The following CRY1 variants were observed in gnomAD, a reference collection of about 807,000 sequenced individuals.
The protein encoded by CRY1 is cryptochrome circadian regulator 1.
CRY1 carries 45 observed loss-of-function variants against 76.0 expected under a neutral mutation model. The ratio of observed to expected loss-of-function variants is 0.59; its 90% confidence interval spans 0.47 to 0.76. The LOEUF (loss-of-function observed/expected upper bound fraction) is 0.76. Among genes scored for constraint, CRY1 ranks in the 30% least tolerant of loss-of-function variants. The pLI is 0.00. For missense variants in CRY1, 587 were observed against 716.4 expected (o/e 0.82, Z 2.06); for synonymous variants, 248 against 244.0 (o/e 1.02, Z -0.15).
At chr12:107,075,921 T>C (rs558386439) in intron 1 of CRY1, among the ~76,000 whole-genome samples, 2 of 152,194 alleles carry the variant, frequency 1.3e-5, no homozygotes, top group Admixed American at 1.3e-4. Context: ...GAAGAAAGGG[T>C]AGCTCCTGGG....
intron 1 of CRY1, among the ~76,000 whole-genome samples, chr12:107,052,393 T>C (rs1952933921): frequency 6.6e-6 from 1 of 152,176 alleles, no homozygotes; most frequent in Admixed American, 6.5e-5. Context: ...AGAACTTATG[T>C]ACTAAAGACT....
intron 1 of CRY1, among the ~76,000 whole-genome samples, chr12:107,062,025 C>CAAAAA (rs35683352): frequency 3.2e-5 from 3 of 93,550 alleles, no homozygotes; most frequent in East Asian, 3.0e-4. Flanking sequence ...GACCCTGTCT[C>CAAAAA]AAAAAAAAAA....
chr12:107,012,534 T>A (rs1471677841), intron 2 of CRY1, among the ~76,000 whole-genome samples: 2 of 152,218 alleles, frequency 1.3e-5, no homozygotes, highest in Non-Finnish European at 2.9e-5. Flanking sequence ...GGAGATTTAT[T>A]AGGGAGATTA....
chr12:107,085,574 AAC>A (rs1953388990), intron 1 of CRY1, among the ~76,000 whole-genome samples: 1 of 152,146 alleles, frequency 6.6e-6, no homozygotes, highest in African/African-American at 2.4e-5. Flanking sequence ...CAGAAAACCA[AAC>A]ATCGCATGTT....
chr12:107,013,601 T>C (rs752037009), intron 2 of CRY1, among the ~76,000 whole-genome samples: 30 of 152,186 alleles, frequency 2.0e-4, no homozygotes, highest in Admixed American at 3.9e-4. Context: ...AAAATTGTAA[T>C]TGTTAGCTAC....
chr12:107,083,245 CCAA>C (rs1953349504), intron 1 of CRY1, among the ~76,000 whole-genome samples: 1 of 152,112 alleles, frequency 6.6e-6, no homozygotes, highest in African/African-American at 2.4e-5. Context: ...GGATTCACAG[CCAA>C]ATTCTACCAG....
chr12:107,041,777 G>A (rs1952802547), intron 1 of CRY1, among the ~76,000 whole-genome samples: 1 of 149,226 alleles, frequency 6.7e-6, no homozygotes, highest in Admixed American at 6.7e-5. Context: ...CTTTCATAGT[G>A]GTAGGACTAT....
chr12:107,065,356 G>GCC (rs1953097397), intron 1 of CRY1, among the ~76,000 whole-genome samples: 1 of 152,126 alleles, frequency 6.6e-6, no homozygotes, highest in Non-Finnish European at 1.5e-5. Flanking sequence ...ACTTTGGGAA[G>GCC]CCAAGGCGGG....
intron 2 of CRY1, among the ~76,000 whole-genome samples, chr12:107,018,356 G>A (rs1021397066): frequency 3.3e-5 from 5 of 152,180 alleles, no homozygotes; most frequent in Admixed American, 6.5e-5. Flanking sequence ...CAAGGTGGTG[G>A]AGACTCCTGG....
At chr12:107,033,909 C>T (rs1217779152) in intron 1 of CRY1, among the ~76,000 whole-genome samples, 1 of 150,288 alleles carries the variant, frequency 6.7e-6, no homozygotes, top group Non-Finnish European at 1.5e-5. Flanking sequence ...ATCTGAAATG[C>T]TTCAAAATCC....
intron 1 of CRY1, among the ~76,000 whole-genome samples, chr12:107,068,846 T>C (rs1259876568): frequency 6.6e-6 from 1 of 152,212 alleles, no homozygotes; most frequent in Non-Finnish European, 1.5e-5. Context: ...ATATAATATG[T>C]GATCTTTGGT....
chr12:107,082,507 G>T (rs1289306469), intron 1 of CRY1, among the ~76,000 whole-genome samples: 1 of 152,126 alleles, frequency 6.6e-6, no homozygotes, highest in African/African-American at 2.4e-5. Flanking sequence ...TCAGACCACA[G>T]TGCAATCAAA....
chr12:107,026,048 C>A (rs746664674), intron 1 of CRY1, among the ~76,000 whole-genome samples: 10 of 99,750 alleles, frequency 1.0e-4, no homozygotes, highest in South Asian at 3.8e-4. Flanking sequence ...TACATTATGT[C>A]CTTCAGAGGA....
At chr12:107,044,387 T>C (rs774816866) in intron 1 of CRY1, among the ~76,000 whole-genome samples, 15 of 152,306 alleles carry the variant, frequency 9.8e-5, no homozygotes, top group Middle Eastern at 6.8e-3. Context: ...CCTAGGCTAC[T>C]GAGGTGCCCA....
intron 1 of CRY1, among the ~76,000 whole-genome samples, chr12:107,030,850 A>G (rs1377058665): frequency 6.6e-6 from 1 of 152,174 alleles, no homozygotes; most frequent in African/African-American, 2.4e-5. Context: ...GGTGTTGCTT[A>G]AGGTGATAAA....
chr12:107,050,327 C>T (rs902030587), intron 1 of CRY1: 1 of 152,126 alleles, frequency 6.6e-6, no homozygotes, highest in Non-Finnish European at 1.5e-5. Flanking sequence ...GTGTCCCCTA[C>T]AAAGCTCATG....
chr12:107,072,339 G>A (rs1469093689), intron 1 of CRY1, among the ~76,000 whole-genome samples: 1 of 152,198 alleles, frequency 6.6e-6, no homozygotes, highest in Non-Finnish European at 1.5e-5. Context: ...AAGAATGAAA[G>A]TAGATTACAG....
At position 107,022,121 on chromosome 12, in the gene CRY1, C is replaced by T. The variant is rs200714794; in HGVS notation, c.230G>A (p.Arg77His). The change falls in exon 2 of 13, where the codon CGT becomes CAT. Residue 77 changes from arginine (R) to histidine (H), a missense_variant. By Grantham distance (29) the Arg-to-His change is conservative (BLOSUM62 0). Transcript: ENST00000008527. ...RKLNSRLFVI[R>H]GQPADVFPRL... ...GGGAAACACATCTGCTGGTTGTCCA[C>T]GAATCACAAACAGACGGGAGTTTAA... The T allele has an allele frequency of 1.2e-5, 20 of 1,604,288 alleles. No homozygotes were observed. The highest frequency in any genetic ancestry group is 8.5e-5 in the Admixed American group (5 of 58,970).
intron 3 of CRY1, among the ~76,000 whole-genome samples, 178 bp downstream of exon 3, chr12:107,004,926 CAT>C (rs993883035): frequency 5.5e-4 from 83 of 152,240 alleles, no homozygotes; most frequent in African/African-American, 1.9e-3. Flanking sequence ...AAGGATTTGA[CAT>C]ATGTTCACTT....
Sources: allele counts gnomAD v4.1 joint callset (sites outside exome capture counted in the v4.1 genomes callset), GRCh38; gene constraint gnomAD v4.1.1; transcripts MANE v1.5; gene names NCBI Gene and HGNC (gene_info 2026-07-23, HGNC 2026-07-21).